The following LHFPL3 variants were observed in gnomAD, a reference collection of about 807,000 sequenced individuals.
LHFPL3 encodes the protein LHFPL tetraspan subfamily member 3 protein.
LHFPL3 carries 5 observed loss-of-function variants against 19.3 expected under a neutral mutation model. The ratio of observed to expected loss-of-function variants is 0.26; its 90% CI spans 0.14 to 0.54. LHFPL3 has a LOEUF of 0.54. LHFPL3 is among the 20% of genes least tolerant of loss of function. LHFPL3 has a pLI of 0.94. For synonymous variants in LHFPL3, 133 were observed against 126.2 expected, an observed-to-expected ratio of 1.05 and a Z score of -0.36; for missense variants, 249 against 307.4, an observed-to-expected ratio of 0.81 and a Z score of 1.42.
chr7:104,697,828 G>GA (rs1327430189), intron 1 of LHFPL3, among the ~76,000 whole-genome samples: 3 of 152,220 alleles, frequency 2.0e-5, no homozygotes, highest in African/African-American at 7.2e-5. Flanking sequence ...GCAACAGAGA[G>GA]AACACTCAGG....
intron 2 of LHFPL3, among the ~76,000 whole-genome samples, chr7:104,815,445 T>G (rs1245869610): frequency 6.6e-6 from 1 of 152,256 alleles, no homozygotes; most frequent in African/African-American, 2.4e-5. Flanking sequence ...TTTATAATTC[T>G]GTGTTAAACT....
intron 1 of LHFPL3, among the ~76,000 whole-genome samples, chr7:104,594,934 T>C (rs1013784807): frequency 2.0e-5 from 3 of 152,218 alleles, no homozygotes; most frequent in African/African-American, 7.2e-5. Context: ...AGTTAGCCAT[T>C]CGTCTAATCT....
intron 1 of LHFPL3, among the ~76,000 whole-genome samples, chr7:104,374,806 A>G (rs1323944231): frequency 1.3e-5 from 2 of 152,168 alleles, no homozygotes; most frequent in Non-Finnish European, 2.9e-5. Context: ...TAAGCTTTTT[A>G]GGGCAGGCTT....
intron 1 of LHFPL3, among the ~76,000 whole-genome samples, chr7:104,617,104 G>A (rs940001710): frequency 1.3e-5 from 2 of 152,076 alleles, no homozygotes; most frequent in African/African-American, 4.8e-5. Context: ...GATTCCTCAA[G>A]GATCTAGAAA....
chr7:104,729,170 G>A lies in LHFPL3; in HGVS notation c.446-7505G>A, dbSNP rs192993839. 1.8e-3 allele frequency among the ~76,000 whole-genome samples: 276 copies of A among 152,232 alleles called. 1 individual carries two copies. Among genetic ancestry groups the A allele is most frequent in the African/African-American group, 6.4e-3 (264 of 41,556 alleles). On this transcript the variant is annotated intron_variant, in intron 1 of 2. Transcript: ENST00000424859. ...GCCTTACTAAAAATGAAATCAAATG[G>A]AGAATAGAATAGAAAATATCAGCAT...
Position 104,667,605 on chromosome 7 carries a change from A to G in LHFPL3, c.446-69070A>G, listed in dbSNP as rs563007583. On this transcript the variant is annotated intron_variant, in intron 1 of 2. Transcript: ENST00000424859. ...TGGATCCACTATCAGCATAACTAAT[A>G]TTTGTTATCCATTTAGTGTACAACA... 4.8e-5 allele frequency: 32 copies of G among 662,668 alleles called. No individual in the cohort carries two copies. In the East Asian group the frequency reaches 8.7e-4, roughly 18 times the overall value. The allele number at this position is 662,668 out of a possible 1,614,324, so 41.0% of individuals were successfully genotyped here.
chr7:104,817,234 A>G (rs1312548917), intron 2 of LHFPL3, among the ~76,000 whole-genome samples: 1 of 152,208 alleles, frequency 6.6e-6, no homozygotes, highest in Non-Finnish European at 1.5e-5. Flanking sequence ...CTGTGTGCCC[A>G]TATTGTGCCT....
chr7:104,735,367 A>T (rs10239238), intron 1 of LHFPL3, among the ~76,000 whole-genome samples: 21,094 of 152,250 alleles, frequency 0.14, 1,794 homozygotes, highest in Non-Finnish European at 0.19. Context: ...GGCTCCACCC[A>T]GTTCGAGCTT....
intron 1 of LHFPL3, among the ~76,000 whole-genome samples, chr7:104,579,925 C>CTTAA (rs915496013): frequency 6.6e-6 from 1 of 152,174 alleles, no homozygotes; most frequent in African/African-American, 2.4e-5. Flanking sequence ...GAGGTTGAGG[C>CTTAA]TTAAGTCTCC....
intron 2 of LHFPL3, among the ~76,000 whole-genome samples, chr7:104,840,658 C>A (rs1408632414): frequency 6.6e-6 from 1 of 151,712 alleles, no homozygotes; most frequent in Admixed American, 6.6e-5. Context: ...CCTCCCCCCA[C>A]TGAACACCAA....
intron 1 of LHFPL3, among the ~76,000 whole-genome samples, chr7:104,659,793 A>G (rs1256326110): frequency 6.6e-6 from 1 of 152,104 alleles, no homozygotes; most frequent in Non-Finnish European, 1.5e-5. Context: ...GCTACTGTAG[A>G]AGGTTGTCTT....
At chr7:104,874,419 G>A (rs1418279718) in intron 2 of LHFPL3, among the ~76,000 whole-genome samples, 1 of 142,884 alleles carries the variant, frequency 7.0e-6, no homozygotes, top group Non-Finnish European at 1.5e-5. Context: ...GGGGGGGACA[G>A]AGTCTCGTTC....
At chr7:104,473,499 A>C (rs1276043844) in intron 1 of LHFPL3, among the ~76,000 whole-genome samples, 1 of 152,218 alleles carries the variant, frequency 6.6e-6, no homozygotes, top group African/African-American at 2.4e-5. Context: ...ACTATTTGCC[A>C]TGAAAACAGG....
chr7:104,848,047 T>A (rs950441073), intron 2 of LHFPL3, among the ~76,000 whole-genome samples: 2 of 152,210 alleles, frequency 1.3e-5, no homozygotes, highest in East Asian at 1.9e-4. Flanking sequence ...GTACTTCTTA[T>A]GTTCTAATGC....
intron 2 of LHFPL3, among the ~76,000 whole-genome samples, chr7:104,898,938 T>C (rs1792426130): frequency 6.6e-6 from 1 of 151,552 alleles, no homozygotes; most frequent in Non-Finnish European, 1.5e-5. Context: ...ACAACAAAAC[T>C]CTGTCTCTAC....
chr7:104,788,007 G>A (rs1262992490), intron 2 of LHFPL3, among the ~76,000 whole-genome samples: 2 of 152,166 alleles, frequency 1.3e-5, no homozygotes, highest in Non-Finnish European at 2.9e-5. Flanking sequence ...TATCTTTGTC[G>A]AGTTCTTTCT....
At chr7:104,412,465 C>T (rs1352614155) in intron 1 of LHFPL3, among the ~76,000 whole-genome samples, 1 of 151,766 alleles carries the variant, frequency 6.6e-6, no homozygotes, top group Non-Finnish European at 1.5e-5. Context: ...TAAAAATATG[C>T]CTAGACAACA....
intron 1 of LHFPL3, among the ~76,000 whole-genome samples, chr7:104,434,043 T>G (rs966198187): frequency 1.9e-4 from 29 of 152,276 alleles, no homozygotes; most frequent in South Asian, 2.1e-4. Flanking sequence ...AAATTGGGGT[T>G]ATTGTTTTCC....
intron 1 of LHFPL3, among the ~76,000 whole-genome samples, chr7:104,403,025 G>T (rs1158111686): frequency 6.6e-6 from 1 of 151,936 alleles, no homozygotes; most frequent in African/African-American, 2.4e-5. Context: ...GTGGACACAG[G>T]GAAGTGAACA....
Sources: gnomAD v4.1 joint callset for allele counts (sites outside exome capture counted in the v4.1 genomes callset) on GRCh38, gnomAD v4.1.1 for gene constraint, MANE v1.5 for transcripts, NCBI Gene and HGNC (gene_info 2026-07-23, HGNC 2026-07-21) for gene names.